ZNF700: variants seen among roughly 807,000 people sequenced by gnomAD.
The protein encoded by ZNF700 is zinc finger protein 700.
ZNF700 carries 38 observed loss-of-function variants against 65.3 expected under a neutral mutation model. The ratio of observed to expected loss-of-function variants is 0.58; its 90% CI spans 0.45 to 0.76. The LOEUF (loss-of-function observed/expected upper bound fraction) is 0.76. Ranked by LOEUF, ZNF700 falls within the 30% of genes least tolerant of loss-of-function variation. The pLI, the probability that ZNF700 is intolerant of heterozygous loss-of-function variation, is 0.00. For missense variants in ZNF700, 857 were observed against 888.4 expected (o/e 0.96, Z 0.45); for synonymous variants, 285 against 290.4 (o/e 0.98, Z 0.19).
chr19:11,932,786 C>A (rs879588993), intron 1 of ZNF700, among the ~76,000 whole-genome samples: 3 of 146,994 alleles, frequency 2.0e-5, no homozygotes, highest in Admixed American at 6.7e-5. Context: ...TACAGGCACC[C>A]GCCACCCCGT....
chr19:11,948,066 T>C (rs1410013981), intron 3 of ZNF700, among the ~76,000 whole-genome samples: 1 of 152,216 alleles, frequency 6.6e-6, no homozygotes, highest in Non-Finnish European at 1.5e-5. Flanking sequence ...ATGGGAATAC[T>C]ATTAAGAAGC....
rs760291041 is a variant in ZNF700 at position 11,925,184 on chromosome 19, G to C, written c.-27G>C. 2 of 1,610,884 alleles carry C rather than the reference G, an allele frequency of 1.2e-6. No homozygotes were observed. The highest frequency in any genetic ancestry group is 2.7e-5 in the African/African-American group (2 of 74,816). ...GAGAGGGACCTGGTGCCTGTACCCA[G>C]GCTTCTGTCGCTCTGTCGCCTGCGC... On this transcript the variant is annotated 5_prime_UTR_variant, in exon 1 of 4. Transcript: ENST00000254321.
At chr19:11,942,486 C>T (rs1337612421) in intron 1 of ZNF700, among the ~76,000 whole-genome samples, 1 of 152,132 alleles carries the variant, frequency 6.6e-6, no homozygotes, top group African/African-American at 2.4e-5. Context: ...GCAGACAAAA[C>T]CTCTCAGACA....
At chr19:11,939,789 T>G (rs1002641836) in intron 1 of ZNF700, among the ~76,000 whole-genome samples, 1 of 152,030 alleles carries the variant, frequency 6.6e-6, no homozygotes, top group African/African-American at 2.4e-5. Context: ...CATTACTTAT[T>G]GGAAAACAAA....
intron 1 of ZNF700, among the ~76,000 whole-genome samples, chr19:11,928,005 T>C (rs954352567): frequency 4.6e-5 from 7 of 152,170 alleles, no homozygotes; most frequent in Admixed American, 3.9e-4. Context: ...ACAACAATTT[T>C]TTTTTTTTTT....
chr19:11,938,461 A>G (rs1972831333), intron 1 of ZNF700, among the ~76,000 whole-genome samples: 1 of 151,840 alleles, frequency 6.6e-6, no homozygotes, highest in Non-Finnish European at 1.5e-5. Flanking sequence ...TTCAGTTCCC[A>G]CCTATGAGTG....
chr19:11,950,592 G>T lies in ZNF700; in HGVS notation c.*339G>T. 1 of 467,780 alleles carries T rather than the reference G, an allele frequency of 2.1e-6. No homozygotes were observed. The highest frequency in any genetic ancestry group is 4.1e-6 in the Non-Finnish European group (1 of 242,744). 29.0% of individuals were successfully genotyped at this position (467,780 alleles called of 1,614,324 possible). A position where few individuals can be genotyped will look rare whatever the true frequency, so the allele number is the denominator to read the frequency against. On this transcript the variant is annotated 3_prime_UTR_variant, in exon 4 of 4. Transcript: ENST00000254321. ...CTCGCACCTTCAACGGCATGGAAGG[G>T]TTCACACTTGGGAGAAACTCTATGA... is the stretch of plus-strand genomic sequence containing the variant.
In ZNF700 at chr19:11,948,545, C is replaced by A; in HGVS notation, c.521C>A (p.Ala174Asp). 1 of 1,610,486 alleles carries A rather than the reference C, an allele frequency of 6.2e-7. No individual in the cohort carries two copies. The highest frequency in any genetic ancestry group is 1.1e-5 in the South Asian group (1 of 90,140). ...TGTCAACAACCTAAAAATAAGAAAGCCTTCAGGTATCGCCCATCCATTAGA... is the reference window on the plus strand; with the variant it reads ...TGTCAACAACCTAAAAATAAGAAAGACTTCAGGTATCGCCCATCCATTAGA... The part of the protein sequence containing the change: ...YKCQQPKNKK[A>D]FRYRPSIRTQ... The change falls in exon 4 of 4, where the codon GCC becomes GAC. Residue 174 changes from alanine (A) to aspartate (D), a missense_variant. This residue lies in a region of ZNF700 where 603 missense variants were observed against 619.9 expected (regional missense o/e 0.97). Transcript: ENST00000254321.
Position 11,950,196 on chromosome 19 carries a change from G to A in ZNF700, c.2172G>A (p.Arg724=), listed in dbSNP as rs760076476. The A allele has an allele frequency of 6.2e-7, 1 of 1,613,798 alleles. No individual in the cohort carries two copies. The highest frequency in any genetic ancestry group is 8.5e-7 in the Non-Finnish European group (1 of 1,179,918). Residue 724 remains arginine, a synonymous_variant, in exon 4 of 4, where the codon AGG becomes AGA. Coordinates refer to ENST00000254321, the MANE Select transcript of ZNF700 (RefSeq NM_144566.3). Reference sequence around the variant, plus strand: ...TTTCTTCCTTGCATATACACGCAAGGACTCATATGGGAGAGAAGCCATATG... The same window carrying A: ...TTTCTTCCTTGCATATACACGCAAGAACTCATATGGGAGAGAAGCCATATG... ...NYFSSLHIHA[R]THMGEKPYEC...
intron 1 of ZNF700, among the ~76,000 whole-genome samples, chr19:11,940,514 C>T (rs1972865108): frequency 1.3e-5 from 2 of 151,706 alleles, no homozygotes; most frequent in South Asian, 4.2e-4. Context: ...CTTCGTTCCT[C>T]CTGGTGGGCT....
chr19:11,931,022 A>T (rs940154722), intron 1 of ZNF700, among the ~76,000 whole-genome samples: 1 of 147,120 alleles, frequency 6.8e-6, no homozygotes, highest in Admixed American at 6.7e-5. Context: ...AACAACATAG[A>T]TGCCCTCGTT....
At chr19:11,939,197 G>C (rs1972842375) in intron 1 of ZNF700, among the ~76,000 whole-genome samples, 2 of 152,158 alleles carry the variant, frequency 1.3e-5, no homozygotes, top group African/African-American at 4.8e-5. Context: ...TCTGATGGTA[G>C]TTTCTTTTGC....
intron 1 of ZNF700, among the ~76,000 whole-genome samples, chr19:11,942,678 G>C (rs531764929): frequency 6.6e-6 from 1 of 152,138 alleles, no homozygotes; most frequent in African/African-American, 2.4e-5. Context: ...TGCATGCATC[G>C]GTAACAGGAC....
chr19:11,948,569 G>C lies in ZNF700; in HGVS notation c.545G>C (p.Arg182Thr). ...KKAFRYRPSI[R>T]TQERDHTGEK... ...GCCTTCAGGTATCGCCCATCCATTA[G>C]AACACAAGAAAGGGATCACACTGGA... is the stretch of plus-strand genomic sequence containing the variant. The change falls in exon 4 of 4, where the codon AGA becomes ACA. Residue 182 changes from arginine (R) to threonine (T), a missense_variant. This residue lies in a region of ZNF700 where 603 missense variants were observed against 619.9 expected (regional missense o/e 0.97). Transcript: ENST00000254321. 3 of 1,606,862 alleles carry C rather than the reference G, an allele frequency of 1.9e-6. No homozygotes were observed. The highest frequency in any genetic ancestry group is 2.5e-6 in the Non-Finnish European group (3 of 1,178,478).
chr19:11,943,354 T>C (rs1468168474), intron 1 of ZNF700, among the ~76,000 whole-genome samples: 1 of 152,202 alleles, frequency 6.6e-6, no homozygotes, highest in Non-Finnish European at 1.5e-5. Flanking sequence ...GGCCAGTCTA[T>C]TTTGATAGAT....
intron 1 of ZNF700, among the ~76,000 whole-genome samples, chr19:11,929,316 A>G (rs1295490703): frequency 1.4e-5 from 2 of 148,000 alleles, no homozygotes; most frequent in Non-Finnish European, 2.9e-5. Flanking sequence ...GACATGTGCC[A>G]CCACACTCAG....
chr19:11,925,644 C>T (rs1192274296), intron 1 of ZNF700, among the ~76,000 whole-genome samples: 1 of 152,150 alleles, frequency 6.6e-6, no homozygotes, highest in Non-Finnish European at 1.5e-5. Context: ...TCTGTGGGGC[C>T]CCCAGTCCCC....
intron 1 of ZNF700, among the ~76,000 whole-genome samples, chr19:11,928,076 G>T (rs1021500301): frequency 6.6e-6 from 1 of 151,844 alleles, no homozygotes; most frequent in African/African-American, 2.4e-5. Context: ...GCTTACTGCA[G>T]CCTTGACCTC....
chr19:11,925,422 T>C (rs1972610851), intron 1 of ZNF700, 149 bp downstream of exon 1: 1 of 1,325,464 alleles, frequency 7.5e-7, no homozygotes. Context: ...TCGGTCCCCT[T>C]GGCCGCTGGA....
Sources: gnomAD v4.1 joint callset for allele counts (sites outside exome capture counted in the v4.1 genomes callset) on GRCh38, gnomAD v4.1.1 for gene constraint, gnomAD v4.1.1 regional missense constraint, MANE v1.5 for transcripts, NCBI Gene and HGNC (gene_info 2026-07-23, HGNC 2026-07-21) for gene names.